CNTN5: variants seen among roughly 807,000 people sequenced by gnomAD.
CNTN5 encodes the protein contactin 5.
A neutral mutation model predicts 129.1 loss-of-function variants in CNTN5; 77 were observed. The observed-to-expected ratio is 0.60, with a 90% CI of 0.50 to 0.72. The LOEUF is 0.72. Ranked by LOEUF, CNTN5 falls within the 30% of genes least tolerant of loss-of-function variation. The pLI is 0.00. For synonymous variants in CNTN5, 509 were observed against 465.6 expected (o/e 1.09, Z -1.20); for missense variants, 1,478 against 1,328.8 (o/e 1.11, Z -1.75).
intron 6 of CNTN5, among the ~76,000 whole-genome samples, chr11:99,895,943 G>A (rs1466654784): frequency 1.3e-5 from 2 of 152,176 alleles, no homozygotes; most frequent in African/African-American, 4.8e-5. Context: ...TACTGCGTAA[G>A]TCCTTGCCTC....
At chr11:99,938,343 T>C (rs189214850) in intron 7 of CNTN5, among the ~76,000 whole-genome samples, 178 of 152,270 alleles carry the variant, frequency 1.2e-3, no homozygotes, top group African/African-American at 4.0e-3. Flanking sequence ...ATAATATTAT[T>C]GCAAATAATA....
chr11:99,817,126 A>T (rs1280320353), intron 3 of CNTN5, among the ~76,000 whole-genome samples: 1 of 152,090 alleles, frequency 6.6e-6, no homozygotes, highest in African/African-American at 2.4e-5. Flanking sequence ...TCCCCACTAG[A>T]TCGTAGCTCC....
rs370190005 is a variant in CNTN5 at position 99,611,173 on chromosome 11, A to T, written c.55+54904A>T. ...GATGCTGCTGTACCTTCATACATCA[A>T]AAAGTTTATTTGAATAATTACATAT... On this transcript the variant is annotated intron_variant, in intron 3 of 24. Coordinates refer to ENST00000524871, the MANE Select transcript of CNTN5 (RefSeq NM_014361.4). Among the ~76,000 whole-genome samples, 34 of 152,326 alleles carry T rather than the reference A, an allele frequency of 2.2e-4. 1 individual carries two copies. The South Asian group carries it at 6.6e-3, about 30-fold the overall frequency.
chr11:100,196,653 A>C (rs1288721625), intron 15 of CNTN5, among the ~76,000 whole-genome samples: 3 of 152,008 alleles, frequency 2.0e-5, no homozygotes, highest in African/African-American at 7.2e-5. Flanking sequence ...ATTCATAATG[A>C]AAATGCTTCT....
chr11:99,669,913 A>G (rs966925979), intron 3 of CNTN5, among the ~76,000 whole-genome samples: 10 of 152,190 alleles, frequency 6.6e-5, no homozygotes, highest in Non-Finnish European at 1.0e-4. Context: ...CCAAAATCCA[A>G]TGAGGGTTTT....
chr11:100,107,269 G>C (rs890932913), intron 13 of CNTN5, among the ~76,000 whole-genome samples: 1 of 151,936 alleles, frequency 6.6e-6, no homozygotes, highest in Non-Finnish European at 1.5e-5. Flanking sequence ...GGAAATAGAA[G>C]CCCCTAGTGT....
chr11:99,862,889 T>C (rs564947281), intron 6 of CNTN5, among the ~76,000 whole-genome samples: 2 of 152,228 alleles, frequency 1.3e-5, no homozygotes, highest in South Asian at 4.1e-4. Flanking sequence ...CCTTCATTAA[T>C]TTACATTAAT....
intron 6 of CNTN5, among the ~76,000 whole-genome samples, chr11:99,893,517 A>G (rs571997813): frequency 1.3e-5 from 2 of 152,326 alleles, no homozygotes; most frequent in Non-Finnish European, 2.9e-5. Context: ...TAAATGGCAG[A>G]CAGGATTTCA....
intron 1 of CNTN5, among the ~76,000 whole-genome samples, chr11:99,076,585 G>A (rs893860160): frequency 7.2e-5 from 11 of 151,960 alleles, no homozygotes; most frequent in African/African-American, 2.7e-4. Flanking sequence ...AAGATAAAAA[G>A]CACTGAAGCT....
chr11:99,691,163 G>T (rs1371355023), intron 3 of CNTN5, among the ~76,000 whole-genome samples: 3 of 150,738 alleles, frequency 2.0e-5, no homozygotes, highest in Admixed American at 6.6e-5. Flanking sequence ...TATTAGTCTA[G>T]CTTGCAGTCT....
intron 1 of CNTN5, among the ~76,000 whole-genome samples, chr11:99,222,766 G>A (rs756344988): frequency 4.6e-5 from 7 of 152,068 alleles, no homozygotes; most frequent in Non-Finnish European, 7.4e-5. Flanking sequence ...TTACTTCTGT[G>A]TTTCAAGTCA....
chr11:100,314,301 A>G lies in CNTN5; in HGVS notation c.2730+5833A>G, dbSNP rs779570411. Among the ~76,000 whole-genome samples, 9 of 152,170 alleles carry G rather than the reference A, an allele frequency of 5.9e-5. No homozygotes were observed. The South Asian group carries it at 1.9e-3, about 32-fold the overall frequency. On this transcript the variant is annotated intron_variant, in intron 21 of 24. Transcript: ENST00000524871. ...TTGCACCACATATTATAATGTGAGT[A>G]TAATTAGCCACTGCAGAAAACTCTT...
intron 2 of CNTN5, among the ~76,000 whole-genome samples, chr11:99,514,109 G>T (rs1211434068): frequency 6.6e-6 from 1 of 152,098 alleles, no homozygotes; most frequent in Non-Finnish European, 1.5e-5. Context: ...ATGAATTTTA[G>T]GGGTCCAAGA....
chr11:99,994,496 A>G (rs1004074428), intron 8 of CNTN5, among the ~76,000 whole-genome samples: 5 of 152,188 alleles, frequency 3.3e-5, no homozygotes, highest in African/African-American at 1.2e-4. Flanking sequence ...ATAATTATAT[A>G]GAAATATTTT....
intron 1 of CNTN5, among the ~76,000 whole-genome samples, chr11:99,078,757 G>T (rs1565299855): frequency 1.3e-5 from 2 of 152,118 alleles, no homozygotes; most frequent in African/African-American, 4.8e-5. Context: ...TGAGCTTATG[G>T]AAATAGAGAC....
chr11:99,187,878 T>C (rs960973831), intron 1 of CNTN5, among the ~76,000 whole-genome samples: 5 of 148,158 alleles, frequency 3.4e-5, no homozygotes, highest in Non-Finnish European at 7.6e-5. Context: ...CATAGCATTA[T>C]ACATTTAAGA....
At chr11:99,219,809 T>A (rs1302862678) in intron 1 of CNTN5, among the ~76,000 whole-genome samples, 1 of 152,004 alleles carries the variant, frequency 6.6e-6, no homozygotes, top group Non-Finnish European at 1.5e-5. Flanking sequence ...GAGACCAGTT[T>A]GTAGATTACG....
At chr11:100,007,720 T>G (rs1339326271) in intron 9 of CNTN5, among the ~76,000 whole-genome samples, 1 of 152,110 alleles carries the variant, frequency 6.6e-6, no homozygotes, top group Non-Finnish European at 1.5e-5. Context: ...CTATCAGCAA[T>G]AAGCCTGTTT....
intron 18 of CNTN5, among the ~76,000 whole-genome samples, chr11:100,281,602 C>T (rs891758543): frequency 1.3e-5 from 2 of 151,930 alleles, no homozygotes; most frequent in African/African-American, 4.8e-5. Context: ...GTTCTATAAC[C>T]TTCTTGTACT....
Sources: gnomAD v4.1 joint callset for allele counts (sites outside exome capture counted in the v4.1 genomes callset) on GRCh38, gnomAD v4.1.1 for gene constraint, MANE v1.5 for transcripts, NCBI Gene and HGNC (gene_info 2026-07-23, HGNC 2026-07-21) for gene names.